Variants in CPAMD8 observed in about 807,000 individuals in gnomAD.
The protein encoded by CPAMD8 is C3 and PZP-like alpha-2-macroglobulin domain-containing protein 8.
CPAMD8 carries 146 observed loss-of-function variants against 224.7 expected under a neutral mutation model. The ratio of observed to expected loss-of-function variants is 0.65; its 90% confidence interval spans 0.57 to 0.75. The LOEUF (loss-of-function observed/expected upper bound fraction) is 0.75. Ranked by LOEUF, CPAMD8 falls within the 30% of genes least tolerant of loss-of-function variation. CPAMD8 has a pLI of 0.00. For missense variants in CPAMD8, 2,301 were observed against 2,537.5 expected (o/e 0.91, Z 2.00); for synonymous variants, 966 against 1,044.6 (o/e 0.92, Z 1.45).
intron 23 of CPAMD8, among the ~76,000 whole-genome samples, chr19:16,929,626 G>C (rs897102127): frequency 1.3e-5 from 2 of 152,148 alleles, no homozygotes; most frequent in African/African-American, 4.8e-5. Flanking sequence ...CTTGAGCCCA[G>C]GAGTTCAAGG....
At chr19:16,918,630 C>T (rs1041097526) in intron 27 of CPAMD8, among the ~76,000 whole-genome samples, 4 of 151,414 alleles carry the variant, frequency 2.6e-5, no homozygotes, top group Non-Finnish European at 5.9e-5. Flanking sequence ...ACATTTTTGC[C>T]GAGATGAGGT....
rs193060783 is a variant in CPAMD8 at position 16,975,158 on chromosome 19, C to T, written c.2009G>A (p.Arg670Gln). 90 of 1,612,634 alleles carry T rather than the reference C, an allele frequency of 5.6e-5. 1 individual carries two copies. Among genetic ancestry groups the T allele is most frequent in the South Asian group, 1.3e-4 (12 of 90,638 alleles). Residue 670 changes from arginine to glutamine, a missense_variant, in exon 17 of 42, where the codon CGG becomes CAG. Physicochemically the swap from Arg to Gln is conservative, Grantham distance 43. Coordinates refer to ENST00000443236, the MANE Select transcript of CPAMD8 (RefSeq NM_015692.5). ...AGGCCACGGGAAGACAGAGGAGCGC[C>T]GGCGTCGTTGTGCCGTCAGCCCAGC... is the stretch of plus-strand genomic sequence containing the variant. ...WWAGLTAQRR[R>Q]RSSVFPWPWG...
At chr19:16,959,550 T>C (rs1174657409) in intron 18 of CPAMD8, among the ~76,000 whole-genome samples, 6 of 151,728 alleles carry the variant, frequency 4.0e-5, no homozygotes, top group Admixed American at 3.9e-4. Flanking sequence ...ATTTTCTTTT[T>C]TTTTTTTCGA....
At chr19:16,985,830 G>GGA (rs1008557771) in intron 13 of CPAMD8, among the ~76,000 whole-genome samples, 2 of 151,784 alleles carry the variant, frequency 1.3e-5, no homozygotes, top group East Asian at 3.9e-4. Flanking sequence ...ATGGAGGGAT[G>GGA]GAGAGAGAGA....
chr19:16,950,237 G>A (rs1167857395), intron 20 of CPAMD8, among the ~76,000 whole-genome samples: 3 of 152,146 alleles, frequency 2.0e-5, no homozygotes, highest in African/African-American at 7.2e-5. Flanking sequence ...GGCGGAGGTT[G>A]CAGTGAGCCA....
Position 17,011,507 on chromosome 19 carries a change from C to T in CPAMD8, c.443G>A (p.Ser148Asn), listed in dbSNP as rs1469086687. Residue 148 changes from serine to asparagine, a missense_variant, in exon 5 of 42, where the codon AGC (serine) becomes AAC (asparagine). Ser to Asn is a conservative substitution (Grantham distance 46). This residue lies in a region of CPAMD8 where 283 missense variants were observed against 340.6 expected (regional missense o/e 0.83). Coordinates refer to ENST00000443236, the MANE Select transcript of CPAMD8 (RefSeq NM_015692.5). ...VYRPQHRVLISIFTVSPNLRP... is the reference protein window; with the variant it reads ...VYRPQHRVLINIFTVSPNLRP... ...CAGATTTGGAGAGACGGTGAAGATGCTTATGAGCACTAGAAGAAAGAAGAG... is the reference window on the plus strand; with the variant it reads ...CAGATTTGGAGAGACGGTGAAGATGTTTATGAGCACTAGAAGAAAGAAGAG... The T allele has an allele frequency of 1.2e-6, 2 of 1,614,048 alleles. No homozygotes were observed. The highest frequency in any genetic ancestry group is 2.7e-5 in the African/African-American group (2 of 74,916).
chr19:16,962,727 A>G (rs1433534654), intron 18 of CPAMD8, among the ~76,000 whole-genome samples: 1 of 152,236 alleles, frequency 6.6e-6, no homozygotes, highest in African/African-American at 2.4e-5. Flanking sequence ...AGCAACCCCA[A>G]GACACATAAT....
chr19:16,925,516 T>C, intron 25 of CPAMD8, 144 bp from the exon 26 acceptor site: 1 of 641,228 alleles, frequency 1.6e-6, no homozygotes, highest in South Asian at 1.9e-5. Context: ...CTCTGCCTGC[T>C]CAGACCAGCT....
At chr19:17,009,132 C>T (rs1402767032) in intron 6 of CPAMD8, 171 bp downstream of exon 6, 2 of 984,628 alleles carry the variant, frequency 2.0e-6, no homozygotes, top group African/African-American at 1.6e-5. Context: ...ACACACACAG[C>T]CCATCCCAGG....
intron 29 of CPAMD8, among the ~76,000 whole-genome samples, chr19:16,911,513 C>T (rs1346823770): frequency 1.3e-5 from 2 of 151,878 alleles, no homozygotes; most frequent in East Asian, 3.9e-4. Flanking sequence ...AGGCATGCGC[C>T]ACCACACAAG....
chr19:16,991,045 G>A (rs556605616), intron 12 of CPAMD8, among the ~76,000 whole-genome samples: 1 of 152,116 alleles, frequency 6.6e-6, no homozygotes, highest in Admixed American at 6.6e-5. Flanking sequence ...GAGGGCAGGA[G>A]ATTGAGATTA....
intron 2 of CPAMD8, among the ~76,000 whole-genome samples, chr19:17,020,803 G>C (rs1013083426): frequency 1.3e-5 from 2 of 152,196 alleles, no homozygotes; most frequent in African/African-American, 4.8e-5. Context: ...TACTGTACTA[G>C]GTTTCTGGCC....
chr19:16,920,323 C>CA (rs1237975506), intron 27 of CPAMD8, among the ~76,000 whole-genome samples: 2 of 151,596 alleles, frequency 1.3e-5, no homozygotes, highest in Admixed American at 6.6e-5. Context: ...ATTAAAAATA[C>CA]AAAAAAAGTA....
In CPAMD8 at chr19:16,903,850, C is replaced by G; in HGVS notation, c.4259G>C (p.Cys1420Ser). 2.5e-6 allele frequency: 4 copies of G among 1,613,516 alleles called. No individual in the cohort carries two copies. The highest frequency in any genetic ancestry group is 3.4e-6 in the Non-Finnish European group (4 of 1,179,960). ...TTCAGCCAAGGCCTGCAGAGCCACG[C>G]AGGTGTCCTGGGGATGGAGGAGGAG... Reference protein sequence around the residue: ...LGGFSSTQDTCVALQALAEYA... With the variant: ...LGGFSSTQDTSVALQALAEYA... Residue 1420 changes from cysteine to serine, a missense_variant, in exon 33 of 42, where the codon TGC becomes TCC. By Grantham distance (112) the Cys-to-Ser change is moderately radical. Coordinates refer to ENST00000443236, the MANE Select transcript of CPAMD8 (RefSeq NM_015692.5).
chr19:16,959,672 C>T (rs2054587844), intron 18 of CPAMD8, among the ~76,000 whole-genome samples: 2 of 151,960 alleles, frequency 1.3e-5, no homozygotes, highest in African/African-American at 4.8e-5. Flanking sequence ...TCCTGAGTAG[C>T]TGGGATTACA....
intron 22 of CPAMD8, among the ~76,000 whole-genome samples, chr19:16,943,366 T>G (rs2053969347): frequency 1.3e-5 from 2 of 152,106 alleles, no homozygotes. Flanking sequence ...TTATCCACGT[T>G]GTAGCATGGA....
chr19:16,901,557 T>G lies in CPAMD8; in HGVS notation c.4686-260A>C, dbSNP rs1008840110. Among the ~76,000 whole-genome samples the G allele has an allele frequency of 1.6e-4, 25 of 152,322 alleles. No homozygotes were observed. The East Asian group carries it at 4.1e-3, about 25-fold the overall frequency. Reference sequence around the variant, plus strand: ...CAGGTCTCTTGACTAAGCATTGTGTTCTGTCCTGGACTTCACTCTGTGTCC... The same window carrying G: ...CAGGTCTCTTGACTAAGCATTGTGTGCTGTCCTGGACTTCACTCTGTGTCC... On this transcript the variant is annotated intron_variant, in intron 35 of 41. Coordinates refer to ENST00000443236, the MANE Select transcript of CPAMD8 (RefSeq NM_015692.5).
chr19:16,970,488 G>A (rs1274177084), intron 18 of CPAMD8, among the ~76,000 whole-genome samples: 1 of 152,010 alleles, frequency 6.6e-6, no homozygotes, highest in Non-Finnish European at 1.5e-5. Flanking sequence ...AGGAGGCTGA[G>A]GCAGGAGAAT....
intron 18 of CPAMD8, among the ~76,000 whole-genome samples, chr19:16,960,031 T>A (rs1203314479): frequency 1.3e-5 from 2 of 152,088 alleles, no homozygotes; most frequent in African/African-American, 4.8e-5. Flanking sequence ...CCACCCTATA[T>A]CCCTCCCTTT....
Sources: allele counts gnomAD v4.1 joint callset (sites outside exome capture counted in the v4.1 genomes callset), GRCh38; gene constraint gnomAD v4.1.1; regional missense constraint gnomAD v4.1.1; transcripts MANE v1.5; gene names NCBI Gene and HGNC (gene_info 2026-07-23, HGNC 2026-07-21).